The following DHRSX variants were observed in gnomAD, a reference collection of about 807,000 sequenced individuals.
DHRSX encodes dehydrogenase/reductase X-linked, also known as polyprenol dehydrogenase.
DHRSX carries 31 observed loss-of-function variants against 34.0 expected under a neutral mutation model. The observed-to-expected ratio is 0.91, with a 90% CI of 0.69 to 1.23. The LOEUF (loss-of-function observed/expected upper bound fraction) is 1.23, where lower values mean the gene tolerates loss of function less well. DHRSX is among the 50% of genes most tolerant of loss of function. The probability of loss-of-function intolerance (pLI) is 0.00; values close to 1 mark genes in which losing one functional copy is unlikely to be tolerated. For synonymous variants in DHRSX, 201 were observed against 183.8 expected (o/e 1.09, Z -0.76); for missense variants, 414 against 428.1 (o/e 0.97, Z 0.29).
At chrX:2,238,942 A>G (rs2016079382) in intron 6 of DHRSX, among the ~76,000 whole-genome samples, 1 of 152,104 alleles carries the variant, frequency 6.6e-6, no homozygotes, top group African/African-American at 2.4e-5. Flanking sequence ...ACACTAGTAA[A>G]TAATACATAC....
At chrX:2,363,730 A>G (rs1449395192) in intron 3 of DHRSX, among the ~76,000 whole-genome samples, 2 of 151,464 alleles carry the variant, frequency 1.3e-5, no homozygotes, top group Admixed American at 1.3e-4. Context: ...GTTCTATGGT[A>G]TCATGCTTCC....
At chrX:2,337,752 G>C (rs1466635206) in intron 3 of DHRSX, 2 of 152,082 alleles carry the variant, frequency 1.3e-5, no homozygotes, top group East Asian at 1.9e-4. Context: ...GACTGAGCCT[G>C]TACCTTCATC....
intron 1 of DHRSX, among the ~76,000 whole-genome samples, chrX:2,450,647 C>T (rs5982910): frequency 0.069 from 10,547 of 151,758 alleles, 458 homozygotes; most frequent in African/African-American, 0.1. Flanking sequence ...GCCCAAGTCC[C>T]ACGTATATTT....
intron 6 of DHRSX, among the ~76,000 whole-genome samples, chrX:2,233,582 G>T (rs183969687): frequency 6.2e-4 from 94 of 152,258 alleles, no homozygotes; most frequent in African/African-American, 2.0e-3. Context: ...GAGTCCTGGA[G>T]AGTGTTGGAG....
intron 5 of DHRSX, among the ~76,000 whole-genome samples, chrX:2,254,059 C>CAA (rs373951884): frequency 0.087 from 12,990 of 149,008 alleles, 1,708 homozygotes; most frequent in African/African-American, 0.29. Flanking sequence ...GACTCTGTCT[C>CAA]AAAAAAAAAC....
At chrX:2,481,027 CT>C (rs2044761000) in intron 1 of DHRSX, among the ~76,000 whole-genome samples, 1 of 151,952 alleles carries the variant, frequency 6.6e-6, no homozygotes, top group Admixed American at 6.6e-5. Context: ...TGTTAATTAG[CT>C]TGTTAATATG....
chrX:2,417,250 T>C (rs2043706292), intron 2 of DHRSX, among the ~76,000 whole-genome samples: 1 of 152,208 alleles, frequency 6.6e-6, no homozygotes, highest in African/African-American at 2.4e-5. Context: ...CTAAATGAAG[T>C]GGTAACACTT....
chrX:2,222,724 G>A (rs2015549261), intron 6 of DHRSX, among the ~76,000 whole-genome samples: 1 of 152,054 alleles, frequency 6.6e-6, no homozygotes, highest in African/African-American at 2.4e-5. Flanking sequence ...TGAGAGTTCA[G>A]GCACACACCC....
At chrX:2,437,929 G>A (rs948086485) in intron 1 of DHRSX, among the ~76,000 whole-genome samples, 5 of 151,860 alleles carry the variant, frequency 3.3e-5, no homozygotes, top group Admixed American at 1.3e-4. Context: ...AGAACAATAT[G>A]TGGCAACCAT....
intron 5 of DHRSX, among the ~76,000 whole-genome samples, chrX:2,246,611 A>ATTC (rs2016288076): frequency 6.6e-6 from 1 of 151,556 alleles, no homozygotes; most frequent in Non-Finnish European, 1.5e-5. Context: ...CAACAGAGTG[A>ATTC]AAGTCTGTCA....
At chrX:2,411,113 TA>T (rs1358255015) in intron 2 of DHRSX, among the ~76,000 whole-genome samples, 2 of 152,170 alleles carry the variant, frequency 1.3e-5, no homozygotes, top group Admixed American at 6.5e-5. Flanking sequence ...AAAGAAAGGA[TA>T]AAAAAATTCA....
At chrX:2,259,822 TTC>T (rs1160377980) in intron 5 of DHRSX, among the ~76,000 whole-genome samples, 1 of 151,428 alleles carries the variant, frequency 6.6e-6, no homozygotes, top group African/African-American at 2.4e-5. Flanking sequence ...GTGTCTCCTC[TTC>T]TGTCTTTTAG....
chrX:2,301,268 C>T (rs1424080619), intron 3 of DHRSX, among the ~76,000 whole-genome samples: 1 of 152,148 alleles, frequency 6.6e-6, no homozygotes, highest in Non-Finnish European at 1.5e-5. Context: ...TAAAACTTAG[C>T]TGGGCATGGT....
At chrX:2,430,653 C>A (rs185562794) in intron 1 of DHRSX, among the ~76,000 whole-genome samples, 100 of 152,220 alleles carry the variant, frequency 6.6e-4, no homozygotes, top group Admixed American at 1.2e-3. Context: ...CTGTTTGACC[C>A]TTCACACACA....
At chrX:2,461,579 G>C (rs901704641) in intron 1 of DHRSX, among the ~76,000 whole-genome samples, 7 of 152,072 alleles carry the variant, frequency 4.6e-5, no homozygotes, top group African/African-American at 1.2e-4. Flanking sequence ...TCTCACTCTG[G>C]TGCCCAGGCT....
intron 4 of DHRSX, among the ~76,000 whole-genome samples, chrX:2,289,406 C>T (rs2041841498): frequency 6.6e-6 from 1 of 152,178 alleles, no homozygotes; most frequent in Non-Finnish European, 1.5e-5. Flanking sequence ...GGGTGAGCCA[C>T]CGCGCCCGGC....
intron 1 of DHRSX, among the ~76,000 whole-genome samples, chrX:2,483,853 C>T (rs4598424): frequency 0.31 from 46,027 of 150,506 alleles, 7,954 homozygotes; most frequent in African/African-American, 0.46. Context: ...AAGGCCCACT[C>T]ACCAAGAACA....
chrX:2,430,761 C>G (rs1201531928), intron 1 of DHRSX, among the ~76,000 whole-genome samples: 1 of 152,116 alleles, frequency 6.6e-6, no homozygotes, highest in African/African-American at 2.4e-5. Context: ...GCCTGTAATC[C>G]CAGCACTTTG....
intron 2 of DHRSX, among the ~76,000 whole-genome samples, chrX:2,416,834 A>C (rs1311926316): frequency 1.3e-5 from 2 of 152,092 alleles, no homozygotes; most frequent in African/African-American, 4.8e-5. Flanking sequence ...ATTATTTTAC[A>C]AGTAATTGAT....
Sources: gnomAD v4.1 joint callset for allele counts (sites outside exome capture counted in the v4.1 genomes callset) on GRCh38, gnomAD v4.1.1 for gene constraint, MANE v1.5 for transcripts, NCBI Gene and HGNC (gene_info 2026-07-23, HGNC 2026-07-21) for gene names.